CAPN8: variants seen among roughly 807,000 people sequenced by gnomAD.
CAPN8 encodes the protein calpain 8, also known as calpain-8.
A neutral mutation model predicts 80.9 loss-of-function variants in CAPN8; 87 were observed. That is an observed-to-expected ratio of 1.07 (90% CI 0.90 to 1.28). The LOEUF (loss-of-function observed/expected upper bound fraction) is 1.28, where lower values mean the gene tolerates loss of function less well. Among genes scored for constraint, CAPN8 ranks in the 50% most tolerant of loss-of-function variants. The pLI, the probability that CAPN8 is intolerant of heterozygous loss-of-function variation, is 0.00. For missense variants in CAPN8, 757 were observed against 702.0 expected (o/e 1.08, Z -0.89); for synonymous variants, 299 against 273.8 (o/e 1.09, Z -0.91).
At chr1:223,631,849 A>C (rs1397009964) in intron 2 of CAPN8, among the ~76,000 whole-genome samples, 3 of 152,170 alleles carry the variant, frequency 2.0e-5, no homozygotes, top group Non-Finnish European at 4.4e-5. Flanking sequence ...ACTGCTCTGC[A>C]ACACCTCTAA....
chr1:223,644,458 T>C (rs988629696), intron 2 of CAPN8: 2 of 162,920 alleles, frequency 1.2e-5, no homozygotes, highest in African/African-American at 4.8e-5. Context: ...CTACTTATTC[T>C]ACAGATATTT....
chr1:223,633,392 C>T (rs940425722), intron 2 of CAPN8, among the ~76,000 whole-genome samples: 3 of 128,454 alleles, frequency 2.3e-5, no homozygotes, highest in Non-Finnish European at 3.3e-5. Context: ...CAAATGCTCT[C>T]TTAAAAAAAA....
At chr1:223,554,589 G>GAA (rs1235974808) in intron 13 of CAPN8, among the ~76,000 whole-genome samples, 5 of 147,750 alleles carry the variant, frequency 3.4e-5, no homozygotes, top group East Asian at 2.0e-4. Context: ...CCTTATATCA[G>GAA]AAAAAAAAAA....
intron 2 of CAPN8, chr1:223,644,490 A>T (rs1658133402): frequency 6.3e-6 from 1 of 159,082 alleles, no homozygotes; most frequent in Non-Finnish European, 1.4e-5. Flanking sequence ...ATTCTGTGCC[A>T]AGTATTCCAG....
At chr1:223,630,370 T>G (rs1045835214) in intron 2 of CAPN8, among the ~76,000 whole-genome samples, 2 of 152,174 alleles carry the variant, frequency 1.3e-5, no homozygotes, top group Admixed American at 6.5e-5. Flanking sequence ...AGGGTCTTGC[T>G]CTGTTGCCCA....
chr1:223,619,221 A>C (rs78782267), intron 9 of CAPN8, 72 bp downstream of exon 9: 3 of 1,517,488 alleles, frequency 2.0e-6, no homozygotes, highest in African/African-American at 1.4e-5. Context: ...AGCACCAAAA[A>C]ATTACATAAA....
intron 1 of CAPN8, among the ~76,000 whole-genome samples, chr1:223,661,446 A>G (rs1334847674): frequency 6.6e-6 from 1 of 152,202 alleles, no homozygotes; most frequent in Non-Finnish European, 1.5e-5. Flanking sequence ...CCTGGCCAAC[A>G]TGGCAAAACC....
Position 223,542,572 on chromosome 1 carries a change from C to T in CAPN8, c.2088+536G>A, listed in dbSNP as rs577376615. 3.9e-5 allele frequency among the ~76,000 whole-genome samples: 6 copies of T among 152,294 alleles called. No individual in the cohort carries two copies. In the East Asian group the frequency reaches 9.7e-4, roughly 25 times the overall value. Reference sequence around the variant, plus strand: ...GCCAATGCCTCCCCCTGCCTGGACCCTTGGAGACATCTCCACACTTCCTGC... The same window carrying T: ...GCCAATGCCTCCCCCTGCCTGGACCTTTGGAGACATCTCCACACTTCCTGC... On this transcript the variant is annotated intron_variant, in intron 20 of 20. Transcript: ENST00000366872.
At chr1:223,627,862 G>T (rs1657637507) in intron 4 of CAPN8, 147 bp downstream of exon 4, 5 of 877,332 alleles carry the variant, frequency 5.7e-6, no homozygotes, top group Non-Finnish European at 8.2e-6. Context: ...ACTGAAAAAT[G>T]CTCTCTCTCC....
At chr1:223,546,514 TTGAA>T (rs1270319827) in intron 16 of CAPN8, among the ~76,000 whole-genome samples, 1 of 152,222 alleles carries the variant, frequency 6.6e-6, no homozygotes, top group Non-Finnish European at 1.5e-5. Flanking sequence ...GCACTGAGTG[TTGAA>T]TGCATCATAG....
chr1:223,660,716 G>T (rs533319608), intron 1 of CAPN8, among the ~76,000 whole-genome samples: 1 of 152,308 alleles, frequency 6.6e-6, no homozygotes, highest in East Asian at 1.9e-4. Flanking sequence ...CATCTCATCT[G>T]CTTTCCCCCA....
At chr1:223,646,020 G>A (rs984298292) in intron 2 of CAPN8, among the ~76,000 whole-genome samples, 7 of 152,172 alleles carry the variant, frequency 4.6e-5, no homozygotes, top group Admixed American at 4.6e-4. Context: ...GGGGAGCACT[G>A]TGGGGAAAAT....
At chr1:223,621,100 C>T (rs1342796713) in intron 7 of CAPN8, among the ~76,000 whole-genome samples, 3 of 152,082 alleles carry the variant, frequency 2.0e-5, no homozygotes, top group African/African-American at 4.8e-5. Context: ...GGGGTCAGCA[C>T]GACAATTCCC....
intron 2 of CAPN8, chr1:223,642,533 G>C (rs767506638): frequency 1.4e-5 from 4 of 283,208 alleles, no homozygotes; most frequent in Non-Finnish European, 2.8e-5. Context: ...CACTACATTT[G>C]GCATTTGGCC....
chr1:223,632,897 A>G (rs1351021834), intron 2 of CAPN8, among the ~76,000 whole-genome samples: 1 of 152,224 alleles, frequency 6.6e-6, no homozygotes, highest in Non-Finnish European at 1.5e-5. Flanking sequence ...AGTGGGGCAG[A>G]CTTGGCTGGC....
chr1:223,642,709 A>G, intron 2 of CAPN8: 1 of 430,160 alleles, frequency 2.3e-6, no homozygotes, highest in Admixed American at 2.8e-5. Context: ...GGAGAGGAAA[A>G]GGAAAAAGAA....
At chr1:223,645,672 C>G (rs1658172022) in intron 2 of CAPN8, among the ~76,000 whole-genome samples, 1 of 152,176 alleles carries the variant, frequency 6.6e-6, no homozygotes, top group South Asian at 2.1e-4. Context: ...CCCCAGATCT[C>G]TCTCCCACTA....
intron 11 of CAPN8, among the ~76,000 whole-genome samples, chr1:223,609,652 G>A (rs953282372): frequency 2.0e-5 from 3 of 152,124 alleles, no homozygotes; most frequent in African/African-American, 7.2e-5. Context: ...TCTAGTGTGC[G>A]CTCAGCTTCT....
intron 5 of CAPN8, among the ~76,000 whole-genome samples, chr1:223,626,297 C>G (rs1026382129): frequency 2.0e-5 from 3 of 152,162 alleles, no homozygotes; most frequent in African/African-American, 7.2e-5. Flanking sequence ...CACCCCCTCT[C>G]CCATGCCCCA....
Sources: allele counts gnomAD v4.1 joint callset (sites outside exome capture counted in the v4.1 genomes callset), GRCh38; gene constraint gnomAD v4.1.1; transcripts MANE v1.5; gene names NCBI Gene and HGNC (gene_info 2026-07-23, HGNC 2026-07-21).